GON4L: variants seen among roughly 807,000 people sequenced by gnomAD.
The protein encoded by GON4L is gon-4 like.
A neutral mutation model predicts 211.8 loss-of-function variants in GON4L; 87 were observed. The observed-to-expected ratio is 0.41, with a 90% confidence interval of 0.35 to 0.49. The LOEUF is 0.49. GON4L is among the 20% of genes least tolerant of loss of function. GON4L has a pLI of 0.15. For synonymous variants in GON4L, 875 were observed against 962.6 expected (o/e 0.91, Z 1.68); for missense variants, 2,155 against 2,659.5 (o/e 0.81, Z 4.17).
At chr1:155,839,595 G>A (rs1486366358) in intron 2 of GON4L, among the ~76,000 whole-genome samples, 2 of 149,836 alleles carry the variant, frequency 1.3e-5, no homozygotes, top group Non-Finnish European at 2.9e-5. Flanking sequence ...AGGTTGCAGT[G>A]AGCCAAGATT....
intron 27 of GON4L, among the ~76,000 whole-genome samples, chr1:155,755,265 C>T (rs552518011): frequency 7.9e-4 from 120 of 152,040 alleles, no homozygotes; most frequent in Non-Finnish European, 1.4e-3. Flanking sequence ...GATGGGATTT[C>T]GCCATGTTGA....
chr1:155,801,897 G>A (rs1436769906), intron 11 of GON4L, among the ~76,000 whole-genome samples: 1 of 151,258 alleles, frequency 6.6e-6, no homozygotes, highest in Non-Finnish European at 1.5e-5. Flanking sequence ...AAAAAAAATA[G>A]AAATGAGGTC....
intron 12 of GON4L, among the ~76,000 whole-genome samples, chr1:155,794,196 G>A (rs61813594): frequency 1.3e-4 from 20 of 151,896 alleles, no homozygotes; most frequent in African/African-American, 3.4e-4. Flanking sequence ...CTCAGCCTCC[G>A]GAGTAGCTGG....
chr1:155,819,539 A>C (rs1277338315), intron 6 of GON4L, among the ~76,000 whole-genome samples: 1 of 152,000 alleles, frequency 6.6e-6, no homozygotes, highest in African/African-American at 2.4e-5. Context: ...TACAGGCATG[A>C]GCCACCAAGC....
At chr1:155,852,481 G>A (rs184470414) in intron 2 of GON4L, among the ~76,000 whole-genome samples, 2 of 152,186 alleles carry the variant, frequency 1.3e-5, no homozygotes, top group East Asian at 3.9e-4. Flanking sequence ...AGTGGCTCAC[G>A]CTTGTAATCC....
At chr1:155,761,214 T>G (rs1478119498) in intron 23 of GON4L, among the ~76,000 whole-genome samples, 2 of 149,158 alleles carry the variant, frequency 1.3e-5, no homozygotes, top group African/African-American at 5.0e-5. Flanking sequence ...AGGGTCTCAT[T>G]CTGTTGCCCA....
Position 155,833,450 on chromosome 1 carries a change from C to A in GON4L, c.506-6422G>T, listed in dbSNP as rs529095000. ...AGATCACAAGGTCAGGAGATCAAGA[C>A]CATCCTGGCTACGGGGAAACCCCAT... On this transcript the variant is annotated intron_variant, in intron 2 of 31. Coordinates refer to ENST00000368331, the MANE Select transcript of GON4L (RefSeq NM_001282860.2). Among the ~76,000 whole-genome samples the A allele has an allele frequency of 1.6e-4, 24 of 151,664 alleles. 1 individual carries two copies. The highest frequency in any genetic ancestry group is 5.3e-4 in the African/African-American group (22 of 41,380).
chr1:155,853,073 T>C (rs537524285), intron 2 of GON4L, among the ~76,000 whole-genome samples: 2 of 152,184 alleles, frequency 1.3e-5, no homozygotes, highest in South Asian at 2.1e-4. Context: ...GATCCCACCA[T>C]TGCACTCTAG....
chr1:155,815,736 G>T, intron 8 of GON4L, 69 bp downstream of exon 8: 2 of 886,206 alleles, frequency 2.3e-6, no homozygotes, highest in South Asian at 2.7e-5. Context: ...CTCTACAAGT[G>T]ACATTACTAA....
At chr1:155,858,636 GTT>G (rs60054192), upstream of GON4L, among the ~76,000 whole-genome samples, 13 of 107,932 alleles carry the variant, frequency 1.2e-4, no homozygotes, top group African/African-American at 2.7e-4. Flanking sequence ...TTCATTAGTT[GTT>G]TTTTTTTTTT....
Position 155,813,766 on chromosome 1 carries a change from A to T in GON4L, c.1320T>A (p.Ser440Arg), listed in dbSNP as rs1378491772. ...GGGGCCCCATGGGCACTACCTCAGC[A>T]CTGATGTGCCTGATGGCTGGTGTGG... ...KVTTPAIRHI[S>R]AEVVPMGPPP... The change falls in exon 10 of 32, where the codon AGT becomes AGA. Residue 440 changes from serine (S) to arginine (R), a missense_variant. Coordinates refer to ENST00000368331, the MANE Select transcript of GON4L (RefSeq NM_001282860.2). 2 of 1,613,908 alleles carry T rather than the reference A, an allele frequency of 1.2e-6. No individual in the cohort carries two copies. Among genetic ancestry groups the T allele is most frequent in the Non-Finnish European group, 1.7e-6 (2 of 1,179,870 alleles).
chr1:155,832,205 G>A (rs1335615566), intron 2 of GON4L, among the ~76,000 whole-genome samples: 1 of 136,770 alleles, frequency 7.3e-6, no homozygotes, highest in Non-Finnish European at 1.6e-5. Context: ...AGCCCGGGAG[G>A]TGGAGGTTGC....
At position 155,749,826 on chromosome 1, in the gene GON4L, A is replaced by G; in HGVS notation, c.*758T>C. 1.3e-6 allele frequency: 2 copies of G among 1,487,140 alleles called. No individual in the cohort carries two copies. The highest frequency in any genetic ancestry group is 4.3e-5 in the Admixed American group (2 of 46,358). The allele number at this position is 1,487,140 out of a possible 1,614,324, so 92.1% of individuals were successfully genotyped here. A position where few individuals can be genotyped will look rare whatever the true frequency, so the allele number is the denominator to read the frequency against. ...ATACACCAAATTTGTTGAGTTTACA[A>G]TCAAGTCTACTAAGGTTGGACTTCC... On this transcript the variant is annotated 3_prime_UTR_variant, in exon 32 of 32. Coordinates refer to ENST00000368331, the MANE Select transcript of GON4L (RefSeq NM_001282860.2).
chr1:155,845,118 G>A (rs1671105854), intron 2 of GON4L, among the ~76,000 whole-genome samples: 1 of 152,170 alleles, frequency 6.6e-6, no homozygotes, highest in Non-Finnish European at 1.5e-5. Context: ...TCTGTGGGGG[G>A]AGTGAGGTAG....
chr1:155,748,831 T>G, downstream of GON4L: 1 of 1,562,992 alleles, frequency 6.4e-7, no homozygotes. Context: ...AGATTTTTGT[T>G]TCATGTCCTT....
chr1:155,830,096 G>A (rs906162473), intron 2 of GON4L, among the ~76,000 whole-genome samples: 3 of 151,140 alleles, frequency 2.0e-5, no homozygotes, highest in Non-Finnish European at 4.4e-5. Context: ...GATTACAGGC[G>A]TGTGTCACCA....
intron 11 of GON4L, among the ~76,000 whole-genome samples, chr1:155,797,926 T>A (rs1300114456): frequency 6.6e-6 from 1 of 150,586 alleles, no homozygotes; most frequent in East Asian, 1.9e-4. Context: ...AATGACTTTT[T>A]AAAAATTAGC....
intron 14 of GON4L, among the ~76,000 whole-genome samples, chr1:155,782,253 A>G (rs1664494343): frequency 6.6e-6 from 1 of 152,216 alleles, no homozygotes; most frequent in African/African-American, 2.4e-5. Context: ...TGCATTTGCA[A>G]CTGAAAGAGA....
At chr1:155,836,752 C>T (rs542010079) in intron 2 of GON4L, among the ~76,000 whole-genome samples, 1 of 152,334 alleles carries the variant, frequency 6.6e-6, no homozygotes, top group East Asian at 1.9e-4. Context: ...CAGACCTTTT[C>T]TCTTTAGCTT....
Sources: allele counts gnomAD v4.1 joint callset (sites outside exome capture counted in the v4.1 genomes callset), GRCh38; gene constraint gnomAD v4.1.1; transcripts MANE v1.5; gene names NCBI Gene and HGNC (gene_info 2026-07-23, HGNC 2026-07-21).